TBCK: variants seen among roughly 807,000 people sequenced by gnomAD.
The protein encoded by TBCK is TBC1 domain containing kinase.
A neutral mutation model predicts 113.4 loss-of-function variants in TBCK; 99 were observed. That is an observed-to-expected ratio of 0.87 (90% CI 0.74 to 1.03). The LOEUF (loss-of-function observed/expected upper bound fraction) is 1.03. Ranked by LOEUF, TBCK falls within the 50% of genes least tolerant of loss-of-function variation. The pLI, the probability that TBCK is intolerant of heterozygous loss-of-function variation, is 0.00. For synonymous variants in TBCK, 369 were observed against 370.8 expected (o/e 1.00, Z 0.05); for missense variants, 1,045 against 1,061.3 (o/e 0.98, Z 0.21).
At chr4:106,311,200 TACACACACACACAC>T (rs36011277) in intron 1 of TBCK, among the ~76,000 whole-genome samples, 37 of 138,284 alleles carry the variant, frequency 2.7e-4, no homozygotes, top group African/African-American at 7.5e-4. Context: ...CAGAAACTCC[TACACACACACACAC>T]ACACACACAC....
chr4:106,122,294 C>T (rs1444728574), intron 23 of TBCK, among the ~76,000 whole-genome samples: 5 of 152,064 alleles, frequency 3.3e-5, no homozygotes, highest in South Asian at 4.2e-4. Flanking sequence ...ATAAATTCCT[C>T]GACACATACA....
intron 12 of TBCK, chr4:106,237,680 A>G (rs1759624250): frequency 2.7e-6 from 1 of 371,196 alleles, no homozygotes; most frequent in Non-Finnish European, 5.4e-6. Context: ...CTAAGAATTC[A>G]GCAAACACTG....
intron 23 of TBCK, among the ~76,000 whole-genome samples, chr4:106,120,441 G>A (rs1469162366): frequency 6.6e-6 from 1 of 152,342 alleles, no homozygotes; most frequent in Admixed American, 6.5e-5. Flanking sequence ...CAGCTGGGAA[G>A]CTTGAACTGG....
intron 20 of TBCK, among the ~76,000 whole-genome samples, chr4:106,201,915 T>G (rs2149843020): frequency 6.6e-6 from 1 of 152,192 alleles, no homozygotes; most frequent in East Asian, 1.9e-4. Flanking sequence ...TTGCAATGAT[T>G]CTTTATATGT....
At chr4:106,218,368 T>C (rs1312833429) in intron 19 of TBCK, among the ~76,000 whole-genome samples, 75 of 148,766 alleles carry the variant, frequency 5.0e-4, no homozygotes, top group African/African-American at 1.6e-3. Context: ...AATTGACAAA[T>C]GGGATCTAAT....
At chr4:106,292,064 A>G (rs1380531721) in intron 3 of TBCK, among the ~76,000 whole-genome samples, 2 of 152,146 alleles carry the variant, frequency 1.3e-5, no homozygotes, top group Non-Finnish European at 2.9e-5. Context: ...AATATCAGAG[A>G]AACTGAATTG....
chr4:106,202,210 A>C (rs1754968389), intron 20 of TBCK, among the ~76,000 whole-genome samples: 1 of 151,558 alleles, frequency 6.6e-6, no homozygotes, highest in South Asian at 2.1e-4. Context: ...GAGAGGCATG[A>C]GCAGAAAATA....
At chr4:106,060,875 C>T (rs1191867321) in intron 25 of TBCK, among the ~76,000 whole-genome samples, 2 of 151,560 alleles carry the variant, frequency 1.3e-5, no homozygotes, top group African/African-American at 4.8e-5. Flanking sequence ...TGATTCCAAC[C>T]CTCATGGATG....
chr4:106,069,238 G>A (rs1389468567), intron 25 of TBCK, among the ~76,000 whole-genome samples: 1 of 152,148 alleles, frequency 6.6e-6, no homozygotes, highest in South Asian at 2.1e-4. Context: ...GTCCTGAATG[G>A]TATTGCCCAG....
intron 22 of TBCK, among the ~76,000 whole-genome samples, chr4:106,189,393 A>G (rs1250312657): frequency 6.6e-6 from 1 of 151,770 alleles, no homozygotes; most frequent in Non-Finnish European, 1.5e-5. Flanking sequence ...CATGAATATC[A>G]TGTAGCTACA....
At chr4:106,244,893 A>G (rs1050548102) in intron 10 of TBCK, 129 bp from the exon 11 acceptor site, 1 of 561,930 alleles carries the variant, frequency 1.8e-6, no homozygotes, top group Non-Finnish European at 2.9e-6. Flanking sequence ...CCTAGTTCTG[A>G]TTGTAGGGAG....
chr4:106,104,052 C>G (rs75414477), intron 24 of TBCK, among the ~76,000 whole-genome samples: 4,430 of 152,304 alleles, frequency 0.029, 105 homozygotes, highest in Non-Finnish European at 0.046. Flanking sequence ...GTCTGACGGA[C>G]AGAGCTACAT....
chr4:106,098,022 A>G (rs796636369), intron 24 of TBCK, among the ~76,000 whole-genome samples: 21 of 152,118 alleles, frequency 1.4e-4, no homozygotes, highest in African/African-American at 5.1e-4. Flanking sequence ...TGCTCTAAGA[A>G]CTTTGGTTTT....
intron 3 of TBCK, among the ~76,000 whole-genome samples, chr4:106,270,281 T>C (rs1014255838): frequency 6.6e-6 from 1 of 152,306 alleles, no homozygotes; most frequent in African/African-American, 2.4e-5. Context: ...AAATCACCAT[T>C]TGATACACAG....
chr4:106,103,043 A>G (rs1370397818), intron 24 of TBCK, among the ~76,000 whole-genome samples: 1 of 152,198 alleles, frequency 6.6e-6, no homozygotes, highest in African/African-American at 2.4e-5. Flanking sequence ...TAAAATTTCA[A>G]TGGGCTTTAA....
chr4:106,109,018 TAC>T (rs112164356), intron 24 of TBCK, among the ~76,000 whole-genome samples: 3,481 of 139,932 alleles, frequency 0.025, 38 homozygotes, highest in African/African-American at 0.038. Context: ...GACACACACA[TAC>T]ACACACACAC....
Position 106,274,874 on chromosome 4 carries a change from G to A in TBCK, c.267-12662C>T, listed in dbSNP as rs527708593. Among the ~76,000 whole-genome samples, 3 of 152,298 alleles carry A rather than the reference G, an allele frequency of 2.0e-5. No individual in the cohort carries two copies. The South Asian group carries it at 6.2e-4, about 32-fold the overall frequency. Reference sequence around the variant, plus strand: ...CAGCTGAGCATGGTAGCACAGGCCTGTAATCTCAGTGCTGTGGGAGGCCAA... The same window carrying A: ...CAGCTGAGCATGGTAGCACAGGCCTATAATCTCAGTGCTGTGGGAGGCCAA... On this transcript the variant is annotated intron_variant, in intron 3 of 25. Coordinates refer to ENST00000394708, the MANE Select transcript of TBCK (RefSeq NM_001163435.3).
chr4:106,177,548 G>A (rs1039777186), intron 22 of TBCK, among the ~76,000 whole-genome samples: 11 of 151,852 alleles, frequency 7.2e-5, no homozygotes, highest in Admixed American at 4.6e-4. Flanking sequence ...TCTGCATATG[G>A]AGATACAGTT....
At chr4:106,053,089 T>G (rs528477832) in intron 25 of TBCK, among the ~76,000 whole-genome samples, 3 of 151,728 alleles carry the variant, frequency 2.0e-5, no homozygotes, top group African/African-American at 7.2e-5. Context: ...AAACGTCCTC[T>G]CTCTCTCTTC....
Sources: gnomAD v4.1 joint callset for allele counts (sites outside exome capture counted in the v4.1 genomes callset) on GRCh38, gnomAD v4.1.1 for gene constraint, MANE v1.5 for transcripts, NCBI Gene and HGNC (gene_info 2026-07-23, HGNC 2026-07-21) for gene names.